Variants in FHIT observed in about 807,000 individuals in gnomAD.
FHIT encodes the protein fragile histidine triad diadenosine triphosphatase, also known as bis(5'-adenosyl)-triphosphatase.
A neutral mutation model predicts 17.9 loss-of-function variants in FHIT; 19 were observed. The ratio of observed to expected loss-of-function variants is 1.06; its 90% confidence interval spans 0.74 to 1.56. The LOEUF (loss-of-function observed/expected upper bound fraction) is 1.56, where lower values mean the gene tolerates loss of function less well. FHIT is among the 40% of genes most tolerant of loss of function. The pLI is 0.00. For missense variants in FHIT, 248 were observed against 189.2 expected, an observed-to-expected ratio of 1.31 and a Z score of -1.82; for synonymous variants, 81 against 69.7, an observed-to-expected ratio of 1.16 and a Z score of -0.81.
At chr3:60,121,941 T>C (rs908442780) in intron 5 of FHIT, among the ~76,000 whole-genome samples, 1 of 152,188 alleles carries the variant, frequency 6.6e-6, no homozygotes, top group Non-Finnish European at 1.5e-5. Context: ...TTGGGTTTAT[T>C]TCACTCTTTG....
At position 60,199,050 on chromosome 3, in the gene FHIT, T is replaced by C. The variant is rs1199218602; in HGVS notation, c.104-184898A>G. On this transcript the variant is annotated intron_variant, in intron 5 of 9. Coordinates refer to ENST00000492590, the MANE Select transcript of FHIT (RefSeq NM_002012.4). Reference sequence around the variant, plus strand: ...AGGAGTTGTCAGAGGAATCACGCTATTGTTAGAAGTGGAAAAGGCTTGGTG... The same window carrying C: ...AGGAGTTGTCAGAGGAATCACGCTACTGTTAGAAGTGGAAAAGGCTTGGTG... Among the ~76,000 whole-genome samples, 3 of 152,166 alleles carry C rather than the reference T, an allele frequency of 2.0e-5. No homozygotes were observed. In the East Asian group the frequency reaches 5.8e-4, roughly 29 times the overall value.
intron 3 of FHIT, among the ~76,000 whole-genome samples, chr3:60,988,118 A>C (rs945091857): frequency 3.3e-5 from 5 of 152,198 alleles, no homozygotes; most frequent in African/African-American, 1.2e-4. Flanking sequence ...TAAAAATCAG[A>C]TGTTTGTTGG....
intron 3 of FHIT, among the ~76,000 whole-genome samples, chr3:60,945,689 G>A (rs1390460763): frequency 6.6e-6 from 1 of 152,178 alleles, no homozygotes; most frequent in Non-Finnish European, 1.5e-5. Flanking sequence ...CAGAATACCA[G>A]AAAGGGAGAT....
At chr3:59,815,708 T>C (rs1489138004) in intron 8 of FHIT, among the ~76,000 whole-genome samples, 1 of 151,940 alleles carries the variant, frequency 6.6e-6, no homozygotes, top group Non-Finnish European at 1.5e-5. Context: ...GGCATAAAAA[T>C]GACACAGTGG....
At position 60,111,218 on chromosome 3, in the gene FHIT, T is replaced by C. The variant is rs1363289911; in HGVS notation, c.104-97066A>G. ...ACAAAGACTGTGTTCAGAATTTAGA[T>C]CAGTGTTAGAGAAATTCACTTATAA... On this transcript the variant is annotated intron_variant, in intron 5 of 9. Coordinates refer to ENST00000492590, the MANE Select transcript of FHIT (RefSeq NM_002012.4). Among the ~76,000 whole-genome samples, 3 of 152,318 alleles carry C rather than the reference T, an allele frequency of 2.0e-5. No homozygotes were observed. In the East Asian group the frequency reaches 5.8e-4, roughly 29 times the overall value.
intron 4 of FHIT, among the ~76,000 whole-genome samples, chr3:60,583,502 T>C (rs2037812752): frequency 6.6e-6 from 1 of 152,086 alleles, no homozygotes; most frequent in Non-Finnish European, 1.5e-5. Context: ...ACAGACGATA[T>C]GAACAAAAAG....
At chr3:60,724,190 T>C (rs2041867880) in intron 4 of FHIT, among the ~76,000 whole-genome samples, 1 of 152,234 alleles carries the variant, frequency 6.6e-6, no homozygotes, top group Non-Finnish European at 1.5e-5. Flanking sequence ...TCTGCCGCTA[T>C]GGATTTACCT....
At chr3:60,787,044 GGT>G (rs1237330164) in intron 4 of FHIT, among the ~76,000 whole-genome samples, 1 of 150,478 alleles carries the variant, frequency 6.6e-6, no homozygotes, top group African/African-American at 2.4e-5. Context: ...CAGGAGAAAG[GGT>G]GTCTCCATCC....
chr3:60,641,723 C>T (rs1439674795), intron 4 of FHIT, among the ~76,000 whole-genome samples: 5 of 152,096 alleles, frequency 3.3e-5, no homozygotes, highest in African/African-American at 1.2e-4. Context: ...GAAGCCTATT[C>T]AGGTTTTGGA....
At chr3:60,919,364 T>C (rs1291009674) in intron 3 of FHIT, among the ~76,000 whole-genome samples, 2 of 151,754 alleles carry the variant, frequency 1.3e-5, no homozygotes, top group African/African-American at 4.8e-5. Context: ...AACTTTATAC[T>C]ATATGTGAAT....
At chr3:60,720,373 T>C (rs2041782350) in intron 4 of FHIT, among the ~76,000 whole-genome samples, 2 of 152,134 alleles carry the variant, frequency 1.3e-5, no homozygotes, top group Admixed American at 1.3e-4. Context: ...CCATAAATAT[T>C]TGTTGAATAA....
chr3:59,901,140 G>C (rs188324974), intron 8 of FHIT, among the ~76,000 whole-genome samples: 20 of 152,184 alleles, frequency 1.3e-4, no homozygotes, highest in African/African-American at 4.3e-4. Flanking sequence ...ACTATTGTCT[G>C]AACTTTAATA....
At chr3:60,858,004 T>C (rs1170803774) in intron 3 of FHIT, among the ~76,000 whole-genome samples, 3 of 152,222 alleles carry the variant, frequency 2.0e-5, no homozygotes, top group Non-Finnish European at 4.4e-5. Context: ...ATGGGTGTTA[T>C]TGTTTTGTTA....
chr3:60,278,351 G>A (rs1707266662), intron 5 of FHIT, among the ~76,000 whole-genome samples: 1 of 152,170 alleles, frequency 6.6e-6, no homozygotes, highest in African/African-American at 2.4e-5. Flanking sequence ...TATCTGACTT[G>A]GGAGAAGGGC....
chr3:61,231,294 C>T (rs1046786110), intron 1 of FHIT, among the ~76,000 whole-genome samples: 1 of 152,016 alleles, frequency 6.6e-6, no homozygotes, highest in Admixed American at 6.6e-5. Flanking sequence ...GCATTTGAAA[C>T]CAGCCTGGAC....
intron 3 of FHIT, among the ~76,000 whole-genome samples, chr3:60,949,895 A>G (rs561067087): frequency 1.3e-5 from 2 of 152,322 alleles, no homozygotes; most frequent in Non-Finnish European, 2.9e-5. Context: ...TTTCCAAGCA[A>G]AAGAAGACTG....
At chr3:59,873,923 G>C (rs1287359023) in intron 8 of FHIT, among the ~76,000 whole-genome samples, 1 of 152,116 alleles carries the variant, frequency 6.6e-6, no homozygotes, top group Non-Finnish European at 1.5e-5. Flanking sequence ...AGATTGAAGA[G>C]GAAAGCAACA....
intron 1 of FHIT, among the ~76,000 whole-genome samples, chr3:61,249,336 CAT>C (rs768311653): frequency 6.6e-6 from 1 of 152,100 alleles, no homozygotes; most frequent in Non-Finnish European, 1.5e-5. Context: ...AAACTATATA[CAT>C]ATATATATGG....
chr3:60,609,528 T>A lies in FHIT; in HGVS notation c.-17-72549A>T, dbSNP rs1446590184. Among the ~76,000 whole-genome samples the A allele has an allele frequency of 4.6e-5, 7 of 152,218 alleles. No individual in the cohort carries two copies. In the East Asian group the frequency reaches 1.4e-3, roughly 30 times the overall value. Reference sequence around the variant, plus strand: ...TTTTAGTACAGATGGGGTCTAACCATGTTGGTTAGACTGGTCTTGAACTCC... The same window carrying A: ...TTTTAGTACAGATGGGGTCTAACCAAGTTGGTTAGACTGGTCTTGAACTCC... On this transcript the variant is annotated intron_variant, in intron 4 of 9. Transcript: ENST00000492590.
Sources: allele counts gnomAD v4.1 joint callset (sites outside exome capture counted in the v4.1 genomes callset), GRCh38; gene constraint gnomAD v4.1.1; transcripts MANE v1.5; gene names NCBI Gene and HGNC (gene_info 2026-07-23, HGNC 2026-07-21).